JMJD1C: variants seen among roughly 807,000 people sequenced by gnomAD.
The protein encoded by JMJD1C is jumonji domain-containing protein 1C.
In JMJD1C, 31 loss-of-function variants were observed where a neutral mutation model predicts 245.3. The ratio of observed to expected loss-of-function variants is 0.13; its 90% confidence interval spans 0.09 to 0.17. The LOEUF (loss-of-function observed/expected upper bound fraction) is 0.17, where lower values mean the gene tolerates loss of function less well. JMJD1C is among the 10% of genes least tolerant of loss of function. JMJD1C has a pLI of 1.00. For synonymous variants in JMJD1C, 1,057 were observed against 1,017.4 expected (o/e 1.04, Z -0.74); for missense variants, 2,691 against 3,000.2 (o/e 0.90, Z 2.41).
chr10:63,352,599 C>CT (rs1944454131), intron 2 of JMJD1C, among the ~76,000 whole-genome samples: 1 of 143,110 alleles, frequency 7.0e-6, no homozygotes, highest in Non-Finnish European at 1.5e-5. Context: ...GATAGAGCCA[C>CT]TGCACTCCAG....
intron 1 of JMJD1C, among the ~76,000 whole-genome samples, chr10:63,478,699 T>C (rs1296800525): frequency 1.3e-5 from 2 of 152,128 alleles, no homozygotes; most frequent in Non-Finnish European, 2.9e-5. Flanking sequence ...AGCAACAACA[T>C]ATGCACAACA....
intron 2 of JMJD1C, among the ~76,000 whole-genome samples, chr10:63,280,848 T>G (rs182488576): frequency 6.6e-6 from 1 of 152,128 alleles, no homozygotes; most frequent in African/African-American, 2.4e-5. Context: ...AAAAGTAACA[T>G]CTCCCATTTT....
rs767808810 is a variant in JMJD1C at position 63,206,768 on chromosome 10, C to A, written c.4901G>T (p.Ser1634Ile). ...SGSESGDSDESESKSEQRTKR... is the reference protein window; with the variant it reads ...SGSESGDSDEIESKSEQRTKR... ...AGTCCTTTGCTCTGACTTGCTTTCA[C>A]TTTCATCTGAGTCTCCACTTTCAGA... Residue 1634 changes from serine to isoleucine, a missense_variant, in exon 10 of 26, where the codon AGT (serine) becomes ATT (isoleucine). Around this residue, in one of 9 missense-constraint regions of JMJD1C, gnomAD observed 144 missense variants for 143.3 expected, o/e 1.00. Transcript: ENST00000399262. 6.2e-7 allele frequency: 1 copy of A among 1,611,212 alleles called. No homozygotes were observed. Among genetic ancestry groups the A allele is most frequent in the Non-Finnish European group, 8.5e-7 (1 of 1,179,416 alleles).
At chr10:63,239,579 G>C (rs973605875) in intron 3 of JMJD1C, among the ~76,000 whole-genome samples, 1 of 152,098 alleles carries the variant, frequency 6.6e-6, no homozygotes. Flanking sequence ...TGAGTAGCTG[G>C]GACTACAGGC....
chr10:63,481,959 T>TA (rs1953843949), intron 1 of JMJD1C, among the ~76,000 whole-genome samples: 1 of 152,194 alleles, frequency 6.6e-6, no homozygotes, highest in South Asian at 2.1e-4. Flanking sequence ...CATCTAGATG[T>TA]ATGACGAACT....
At chr10:63,287,590 A>G (rs1430175562) in intron 2 of JMJD1C, among the ~76,000 whole-genome samples, 1 of 152,230 alleles carries the variant, frequency 6.6e-6, no homozygotes, top group African/African-American at 2.4e-5. Flanking sequence ...AACCTTCATT[A>G]TACTTTAATA....
intron 1 of JMJD1C, among the ~76,000 whole-genome samples, chr10:63,388,167 T>C (rs1697535285): frequency 6.6e-6 from 1 of 152,054 alleles, no homozygotes; most frequent in Non-Finnish European, 1.5e-5. Flanking sequence ...CTCAAAAATA[T>C]CTTTTCCAGA....
At chr10:63,404,291 T>C (rs188139720) in intron 1 of JMJD1C, among the ~76,000 whole-genome samples, 6 of 152,278 alleles carry the variant, frequency 3.9e-5, no homozygotes, top group South Asian at 2.1e-4. Context: ...AACAGATAAA[T>C]TGGCCAGTCT....
In JMJD1C at chr10:63,337,055, C is replaced by G. The variant is rs187807552; in HGVS notation, c.333+43263G>C. Among the ~76,000 whole-genome samples, 2 of 151,914 alleles carry G rather than the reference C, an allele frequency of 1.3e-5. 1 individual carries two copies. The highest frequency in any genetic ancestry group is 4.2e-4 in the South Asian group (2 of 4,804). On this transcript the variant is annotated intron_variant, in intron 2 of 25. Transcript: ENST00000399262. ...GGGGTTTCACCATGTTGGCCAGGCTCGTCTCAAGCTCCTGACCTCAGGTGA... is the reference window on the plus strand; with the variant it reads ...GGGGTTTCACCATGTTGGCCAGGCTGGTCTCAAGCTCCTGACCTCAGGTGA...
intron 1 of JMJD1C, among the ~76,000 whole-genome samples, chr10:63,398,499 TTCA>T (rs1354789431): frequency 2.6e-5 from 4 of 152,310 alleles, no homozygotes; most frequent in East Asian, 1.9e-4. Flanking sequence ...TACGGTATTC[TTCA>T]TCAAGAGGCA....
intron 2 of JMJD1C, among the ~76,000 whole-genome samples, chr10:63,274,381 T>C (rs527909938): frequency 4.2e-4 from 64 of 152,152 alleles, no homozygotes; most frequent in African/African-American, 1.5e-3. Context: ...CTGGGCAACA[T>C]GGTGAAACCC....
At chr10:63,496,653 G>A (rs920919683) in intron 1 of JMJD1C, among the ~76,000 whole-genome samples, 1 of 152,162 alleles carries the variant, frequency 6.6e-6, no homozygotes, top group Non-Finnish European at 1.5e-5. Flanking sequence ...CTCAGTTTCT[G>A]TCCCAAATCA....
intron 3 of JMJD1C, among the ~76,000 whole-genome samples, chr10:63,245,727 C>A (rs1020287844): frequency 1.3e-5 from 2 of 152,168 alleles, no homozygotes; most frequent in African/African-American, 4.8e-5. Context: ...AGGTGATCCT[C>A]CTGCCTTGGC....
intron 2 of JMJD1C, among the ~76,000 whole-genome samples, chr10:63,327,661 A>G (rs1032258045): frequency 9.5e-5 from 13 of 137,004 alleles, no homozygotes; most frequent in Admixed American, 2.9e-4. Flanking sequence ...TATCAAGGGT[A>G]CACAGAAAAA....
At chr10:63,362,887 T>G (rs1246947071) in intron 2 of JMJD1C, among the ~76,000 whole-genome samples, 1 of 152,112 alleles carries the variant, frequency 6.6e-6, no homozygotes, top group Non-Finnish European at 1.5e-5. Context: ...AAAAAGCTAT[T>G]GAAAAACACT....
chr10:63,350,709 C>T (rs572848293), intron 2 of JMJD1C, among the ~76,000 whole-genome samples: 10 of 151,766 alleles, frequency 6.6e-5, no homozygotes, highest in African/African-American at 1.4e-4. Flanking sequence ...CTCTGCCTCC[C>T]GGTTTCATGC....
chr10:63,342,080 C>T (rs968631585), intron 2 of JMJD1C, among the ~76,000 whole-genome samples: 2 of 152,266 alleles, frequency 1.3e-5, no homozygotes, highest in Admixed American at 1.3e-4. Context: ...CTTACATATG[C>T]AAAACAAATT....
At chr10:63,357,883 C>A (rs879861189) in intron 2 of JMJD1C, among the ~76,000 whole-genome samples, 13 of 137,978 alleles carry the variant, frequency 9.4e-5, no homozygotes, top group Non-Finnish European at 1.7e-4. Context: ...AAACTCCTTA[C>A]ATAAAAAAGC....
chr10:63,455,193 A>G (rs1236793737), intron 1 of JMJD1C, among the ~76,000 whole-genome samples: 1 of 152,188 alleles, frequency 6.6e-6, no homozygotes, highest in African/African-American at 2.4e-5. Context: ...TTCAAAATAT[A>G]CTTCTTTATG....
Sources: allele counts gnomAD v4.1 joint callset (sites outside exome capture counted in the v4.1 genomes callset), GRCh38; gene constraint gnomAD v4.1.1; regional missense constraint gnomAD v4.1.1; transcripts MANE v1.5; gene names NCBI Gene and HGNC (gene_info 2026-07-23, HGNC 2026-07-21).